Variants in SLC60A1 observed in about 807,000 individuals in gnomAD.
SLC60A1 encodes the protein solute carrier family 60 member 1.
chr1:205,596,578 A>AAAAAG, the SLC60A1 span, among the ~76,000 whole-genome samples: 85 of 137,884 alleles, frequency 6.2e-4, 1 homozygote, highest in Non-Finnish European at 9.9e-4. Flanking sequence ...AAAAAAAAAA[A>AAAAAG]GATGAATGAT....
chr1:205,575,406 T>G, the SLC60A1 span, among the ~76,000 whole-genome samples: 6,896 of 152,164 alleles, frequency 0.045, 255 homozygotes, highest in South Asian at 0.16. Context: ...CAGGGTGGCA[T>G]GGGGGCTGGG....
the SLC60A1 span, chr1:205,586,017 G>A: frequency 0.44 from 685,720 of 1,570,376 alleles, 152,137 homozygotes; most frequent in African/African-American, 0.5. Context: ...GCTCAACAGC[G>A]CCCGGTCTCT....
At chr1:205,569,474 GCCTCCCTC>G in the SLC60A1 span, among the ~76,000 whole-genome samples, 8 of 138,106 alleles carry the variant, frequency 5.8e-5, 1 homozygote, top group South Asian at 7.1e-4. Context: ...CCGAAGAGCT[GCCTCCCTC>G]CCTCCCTCCC....
chr1:205,599,233 C>A, the SLC60A1 span: 1 of 1,614,126 alleles, frequency 6.2e-7, no homozygotes, highest in Non-Finnish European at 8.5e-7. Context: ...CCACAGGATG[C>A]ACCCTGGACT....
chr1:205,592,317 G>C, the SLC60A1 span: 1 of 1,591,634 alleles, frequency 6.3e-7, no homozygotes, highest in Non-Finnish European at 8.6e-7. Context: ...CAGGAGGCGC[G>C]CTCTATCTAG....
chr1:205,586,910 T>G, the SLC60A1 span, among the ~76,000 whole-genome samples: 1 of 152,146 alleles, frequency 6.6e-6, no homozygotes, highest in Non-Finnish European at 1.5e-5. Context: ...TTGGCCAGGC[T>G]GGTCTTGAAC....
chr1:205,583,636 G>A, the SLC60A1 span, among the ~76,000 whole-genome samples: 2 of 152,244 alleles, frequency 1.3e-5, no homozygotes, highest in Non-Finnish European at 2.9e-5. Context: ...AGTGTGAGGT[G>A]TGACACTCCA....
At chr1:205,589,829 G>C in the SLC60A1 span, among the ~76,000 whole-genome samples, 64 of 152,340 alleles carry the variant, frequency 4.2e-4, no homozygotes, top group African/African-American at 1.4e-3. Flanking sequence ...CAGACTGTCT[G>C]TTATTGTAGT....
At chr1:205,569,778 G>A in the SLC60A1 span, among the ~76,000 whole-genome samples, 3 of 152,116 alleles carry the variant, frequency 2.0e-5, no homozygotes, top group African/African-American at 7.2e-5. Context: ...GCAGGGTGCT[G>A]GAGGTGGCCT....
the SLC60A1 span, chr1:205,599,088 G>A: frequency 0.02 from 31,768 of 1,610,706 alleles, 443 homozygotes; most frequent in South Asian, 0.028. Flanking sequence ...CCTTCCACGT[G>A]AAGTTTTAAT....
the SLC60A1 span, chr1:205,580,934 G>C: frequency 2.5e-6 from 4 of 1,611,158 alleles, 1 homozygote; most frequent in South Asian, 4.4e-5. The surrounding 1 kb of genome is among the most constrained non-coding windows in gnomAD (Gnocchi z 5.0). Flanking sequence ...GAGTGTCCCT[G>C]GGGTGGGCCA....
chr1:205,580,359 G>C, the SLC60A1 span, among the ~76,000 whole-genome samples: 1 of 152,116 alleles, frequency 6.6e-6, no homozygotes, highest in African/African-American at 2.4e-5. This position sits in a 1 kb window ranked among gnomAD's most constrained non-coding sequence, Gnocchi z 5.0. Flanking sequence ...TGCTAACATG[G>C]TGATCAGTCC....
the SLC60A1 span, chr1:205,595,275 G>A: frequency 6.6e-6 from 1 of 152,330 alleles, no homozygotes; most frequent in Non-Finnish European, 1.5e-5. Context: ...ATTCCCTGAT[G>A]GCACAAAAAC....
the SLC60A1 span, among the ~76,000 whole-genome samples, chr1:205,576,328 G>A: frequency 7.9e-5 from 12 of 152,228 alleles, no homozygotes; most frequent in African/African-American, 2.4e-4. Flanking sequence ...GCACCTGGGA[G>A]GGGTGGCAAG....
chr1:205,569,216 G>C, the SLC60A1 span: 1 of 1,560,154 alleles, frequency 6.4e-7, no homozygotes, highest in Non-Finnish European at 8.7e-7. Context: ...CGCACAGCTC[G>C]CTGCCCCAGA....
the SLC60A1 span, chr1:205,600,686 C>T: frequency 3.7e-6 from 2 of 537,848 alleles, no homozygotes; most frequent in East Asian, 3.2e-5. Flanking sequence ...CTGGTTCAGA[C>T]TGTTGGTAAG....
chr1:205,575,782 G>C, the SLC60A1 span, among the ~76,000 whole-genome samples: 1 of 152,174 alleles, frequency 6.6e-6, no homozygotes, highest in African/African-American at 2.4e-5. Context: ...TCATTTCTGA[G>C]ACTTCCTGAA....
the SLC60A1 span, chr1:205,602,859 A>T: frequency 1.3e-5 from 2 of 152,244 alleles, no homozygotes. Context: ...TTGTTAATAC[A>T]GAAAACAACA....
At chr1:205,599,762 T>A in the SLC60A1 span, 1 of 156,264 alleles carries the variant, frequency 6.4e-6, no homozygotes, top group South Asian at 1.9e-4. Flanking sequence ...AAGAATAGTC[T>A]CCCTTCTAGA....
Sources: gnomAD v4.1 joint callset for allele counts (sites outside exome capture counted in the v4.1 genomes callset) on GRCh38, gnomAD v4.1.1 for gene constraint, Gnocchi (gnomAD v3.1) non-coding constraint, MANE v1.5 for transcripts, NCBI Gene and HGNC (gene_info 2026-07-23, HGNC 2026-07-21) for gene names.